DLG2: variants seen among roughly 807,000 people sequenced by gnomAD.
DLG2 encodes discs large MAGUK scaffold protein 2.
DLG2 carries 45 observed loss-of-function variants against 132.5 expected under a neutral mutation model. That is an observed-to-expected ratio of 0.34 (90% CI 0.27 to 0.44). The LOEUF is 0.44. Ranked by LOEUF, DLG2 falls within the 20% of genes least tolerant of loss-of-function variation. The pLI is 1.00. For synonymous variants in DLG2, 424 were observed against 419.6 expected, an observed-to-expected ratio of 1.01 and a Z score of -0.13; for missense variants, 1,045 against 1,196.9, an observed-to-expected ratio of 0.87 and a Z score of 1.87.
At chr11:84,493,463 C>A in intron 7 of DLG2, among the ~76,000 whole-genome samples, 1 of 152,090 alleles carries the variant, frequency 6.6e-6, no homozygotes, top group Non-Finnish European at 1.5e-5. Flanking sequence ...TCCTCTCCAA[C>A]CAGCCCCTGC....
chr11:84,615,625 A>AT (rs924806881), intron 6 of DLG2, among the ~76,000 whole-genome samples: 3 of 151,204 alleles, frequency 2.0e-5, no homozygotes, highest in Non-Finnish European at 4.4e-5. Context: ...TTCTAGTATC[A>AT]TTTTTTTTAG....
intron 4 of DLG2, among the ~76,000 whole-genome samples, chr11:85,190,063 A>G (rs2080415257): frequency 6.6e-6 from 1 of 152,240 alleles, no homozygotes; most frequent in South Asian, 2.1e-4. Flanking sequence ...AATGCTTTAG[A>G]CCCTTCAGAA....
chr11:84,568,983 C>T (rs750378107), intron 6 of DLG2, among the ~76,000 whole-genome samples: 13 of 152,170 alleles, frequency 8.5e-5, no homozygotes, highest in Admixed American at 6.5e-4. Flanking sequence ...TGCTCAACTG[C>T]AAATCACAAA....
At chr11:83,930,504 GAA>G (rs2079958600) in intron 14 of DLG2, 21 bp from the exon 15 acceptor site, 2 of 1,612,018 alleles carry the variant, frequency 1.2e-6, no homozygotes, top group East Asian at 4.5e-5. Flanking sequence ...AAGAGGAAGA[GAA>G]AGATATGCAT....
chr11:85,165,357 G>A (rs60383907), intron 4 of DLG2, among the ~76,000 whole-genome samples: 4 of 152,100 alleles, frequency 2.6e-5, no homozygotes, highest in Non-Finnish European at 5.9e-5. Flanking sequence ...AAGACCAGAC[G>A]AAATCAGAAT....
chr11:84,766,606 G>A (rs764624931), intron 6 of DLG2, among the ~76,000 whole-genome samples: 6 of 151,964 alleles, frequency 3.9e-5, no homozygotes, highest in Non-Finnish European at 7.4e-5. Flanking sequence ...GAAATTAACC[G>A]ACTTACTGGA....
At position 84,901,477 on chromosome 11, in the gene DLG2, C is replaced by T. The variant is rs146881107; in HGVS notation, c.357+210184G>A. Among the ~76,000 whole-genome samples, 459 of 152,196 alleles carry T rather than the reference C, an allele frequency of 3.0e-3. 5 individuals carry two copies. Among genetic ancestry groups the T allele is most frequent in the African/African-American group, 9.8e-3 (408 of 41,536 alleles). On this transcript the variant is annotated intron_variant, in intron 6 of 27. Transcript: ENST00000376104. ...TCAATATTCAATCAGGAATTTTCCA[C>T]GTAGTTCCCTCTTCTTGAGACTTAG...
chr11:84,889,960 G>C (rs968436661), intron 6 of DLG2, among the ~76,000 whole-genome samples: 3 of 152,158 alleles, frequency 2.0e-5, no homozygotes, highest in Non-Finnish European at 4.4e-5. Context: ...TTGTAATCTT[G>C]AGATGCCTCA....
chr11:83,680,166 A>G (rs1018391543), intron 18 of DLG2, among the ~76,000 whole-genome samples: 1 of 152,136 alleles, frequency 6.6e-6, no homozygotes, highest in African/African-American at 2.4e-5. Flanking sequence ...TGGAGAAAAT[A>G]GAAAAACCAC....
intron 18 of DLG2, among the ~76,000 whole-genome samples, chr11:83,642,472 C>T (rs1288810498): frequency 6.6e-6 from 1 of 152,158 alleles, no homozygotes; most frequent in Non-Finnish European, 1.5e-5. Context: ...CAGCCAAACA[C>T]TCATGAATTC....
At chr11:83,726,015 C>T (rs954816603) in intron 18 of DLG2, among the ~76,000 whole-genome samples, 5 of 151,990 alleles carry the variant, frequency 3.3e-5, no homozygotes, top group African/African-American at 1.2e-4. Context: ...AGTGCACAGG[C>T]TAAAAAACCC....
At chr11:84,885,784 C>T (rs768429761) in intron 6 of DLG2, among the ~76,000 whole-genome samples, 19 of 152,012 alleles carry the variant, frequency 1.2e-4, no homozygotes, top group African/African-American at 2.4e-4. Context: ...TAGGATACAA[C>T]GTTCCAAGGA....
intron 3 of DLG2, among the ~76,000 whole-genome samples, chr11:85,474,433 T>C (rs1161976472): frequency 1.3e-5 from 2 of 151,974 alleles, no homozygotes; most frequent in Non-Finnish European, 2.9e-5. Context: ...GGTGAGCTTT[T>C]AAAATATATT....
At chr11:85,072,651 A>G (rs899703804) in intron 6 of DLG2, among the ~76,000 whole-genome samples, 2 of 151,840 alleles carry the variant, frequency 1.3e-5, no homozygotes, top group African/African-American at 4.8e-5. Context: ...TAGGACTTGG[A>G]GAGGTTAAGT....
At chr11:84,434,118 C>CAAAAAAA (rs201807752) in intron 7 of DLG2, among the ~76,000 whole-genome samples, 2 of 86,960 alleles carry the variant, frequency 2.3e-5, no homozygotes, top group Non-Finnish European at 2.8e-5. Flanking sequence ...GACTCCATCT[C>CAAAAAAA]AAAAAAAAAA....
At chr11:85,053,429 C>T (rs1222209080) in intron 6 of DLG2, among the ~76,000 whole-genome samples, 3 of 152,030 alleles carry the variant, frequency 2.0e-5, no homozygotes, top group Non-Finnish European at 4.4e-5. Context: ...GGTGAAGATA[C>T]AGGTTAGCAT....
At chr11:83,581,823 C>A (rs1469379872) in intron 19 of DLG2, among the ~76,000 whole-genome samples, 3 of 151,948 alleles carry the variant, frequency 2.0e-5, no homozygotes, top group Non-Finnish European at 4.4e-5. Flanking sequence ...TAGCATGGAA[C>A]CACATAAAAA....
chr11:84,314,956 T>A (rs984800586), intron 7 of DLG2, among the ~76,000 whole-genome samples: 2 of 152,156 alleles, frequency 1.3e-5, no homozygotes, highest in Non-Finnish European at 2.9e-5. Context: ...TGAAAAGTGT[T>A]AAAACATTGA....
chr11:84,715,191 T>A (rs955556087), intron 6 of DLG2, among the ~76,000 whole-genome samples: 3 of 152,188 alleles, frequency 2.0e-5, no homozygotes, highest in African/African-American at 7.2e-5. Flanking sequence ...AGTGGTTCAG[T>A]TGAGCTGTTA....
Sources: allele counts gnomAD v4.1 joint callset (sites outside exome capture counted in the v4.1 genomes callset), GRCh38; gene constraint gnomAD v4.1.1; transcripts MANE v1.5; gene names NCBI Gene and HGNC (gene_info 2026-07-23, HGNC 2026-07-21).